Variants in SYNDIG1L observed in about 807,000 individuals in gnomAD.
SYNDIG1L encodes synapse differentiation inducing 1 like.
Under a neutral mutation model 20.1 loss-of-function variants are expected in SYNDIG1L, and 13 were observed. The ratio of observed to expected loss-of-function variants is 0.65; its 90% CI spans 0.42 to 1.03. SYNDIG1L has a LOEUF of 1.03. Ranked by LOEUF, SYNDIG1L falls within the 50% of genes least tolerant of loss-of-function variation. The probability of loss-of-function intolerance (pLI) is 0.00; values close to 1 mark genes in which losing one functional copy is unlikely to be tolerated. For synonymous variants in SYNDIG1L, 128 were observed against 129.3 expected (o/e 0.99, Z 0.07); for missense variants, 294 against 305.1 (o/e 0.96, Z 0.27).
At chr14:74,433,292 T>C in the SYNDIG1L span, among the ~76,000 whole-genome samples, 1 of 152,216 alleles carries the variant, frequency 6.6e-6, no homozygotes, top group Non-Finnish European at 1.5e-5. Flanking sequence ...GTAAGTTCAC[T>C]ACTGGGAAAC....
chr14:74,463,170 C>G, the SYNDIG1L span, among the ~76,000 whole-genome samples: 3 of 152,196 alleles, frequency 2.0e-5, no homozygotes, highest in Admixed American at 1.3e-4. Flanking sequence ...AATCCAATGG[C>G]CACTTCTCAG....
chr14:74,410,907 C>T (rs182455030), intron 1 of SYNDIG1L, among the ~76,000 whole-genome samples: 23 of 152,234 alleles, frequency 1.5e-4, no homozygotes, highest in African/African-American at 5.5e-4. Flanking sequence ...AGGTCTGGAC[C>T]TGCACATCCC....
At chr14:74,422,776 C>T (rs1192671379) in intron 1 of SYNDIG1L, among the ~76,000 whole-genome samples, 5 of 147,916 alleles carry the variant, frequency 3.4e-5, no homozygotes, top group African/African-American at 1.0e-4. Context: ...TGCAATGGCA[C>T]GATCTTGGCT....
At chr14:74,453,655 C>T in the SYNDIG1L span, among the ~76,000 whole-genome samples, 18 of 151,808 alleles carry the variant, frequency 1.2e-4, no homozygotes, top group Non-Finnish European at 1.9e-4. Context: ...AAAAAGAAGA[C>T]CTGAATAAAA....
At chr14:74,456,820 T>G in the SYNDIG1L span, among the ~76,000 whole-genome samples, 30 of 152,088 alleles carry the variant, frequency 2.0e-4, no homozygotes, top group African/African-American at 7.2e-4. Flanking sequence ...GCGGCAGGAT[T>G]CTAGGAGCAA....
At position 74,407,913 on chromosome 14, in the gene SYNDIG1L, G is replaced by A. The variant is rs1209452517; in HGVS notation, c.494C>T (p.Thr165Ile). 1.9e-6 allele frequency: 3 copies of A among 1,613,808 alleles called. No homozygotes were observed. The highest frequency in any genetic ancestry group is 1.7e-6 in the Non-Finnish European group (2 of 1,179,924). Residue 165 changes from threonine (T) to isoleucine (I), a missense_variant, in exon 3 of 4, where the codon ACT becomes ATT. Thr to Ile is a moderately conservative substitution (Grantham distance 89, BLOSUM62 -1). Coordinates refer to ENST00000331628, the MANE Select transcript of SYNDIG1L (RefSeq NM_001105579.2). The stretch of plus-strand genomic sequence containing the variant: ...GAAGCAGCAGAGCATGGAGAAGAGA[G>A]TAAGTCCCAGGTGGTCCCTGGGAGG... ...TLPPRDHLGL[T>I]LFSMLCCFWP...
At position 74,407,122 on chromosome 14, in the gene SYNDIG1L, C is replaced by T. The variant is rs963547788; in HGVS notation, c.*413G>A. On this transcript the variant is annotated 3_prime_UTR_variant, in exon 4 of 4. Transcript: ENST00000331628. ...GGGCTGAAAGGATTGGGACGGGTCC[C>T]CTTGTGCTCTGGGCACCCCCTTTTC... The T allele has an allele frequency of 2.3e-5, 5 of 217,688 alleles. No individual in the cohort carries two copies. The highest frequency in any genetic ancestry group is 1.3e-4 in the South Asian group (2 of 15,012). The allele number at this position is 217,688 out of a possible 1,614,324, so 13.5% of individuals were successfully genotyped here. A position where few individuals can be genotyped will look rare whatever the true frequency, so the allele number is the denominator to read the frequency against.
intron 1 of SYNDIG1L, among the ~76,000 whole-genome samples, chr14:74,411,732 G>A (rs946026327): frequency 2.0e-5 from 3 of 152,100 alleles, no homozygotes; most frequent in Admixed American, 2.0e-4. Flanking sequence ...TTCCTAGGAA[G>A]CGGGGTGGGG....
upstream of SYNDIG1L, among the ~76,000 whole-genome samples, chr14:74,426,709 C>T (rs1269453885): frequency 6.1e-5 from 9 of 146,706 alleles, no homozygotes; most frequent in Admixed American, 2.0e-4. Context: ...TCCCCTCTTC[C>T]CCTCCCCCTG....
At chr14:74,424,535 G>A (rs914497420) in intron 1 of SYNDIG1L, among the ~76,000 whole-genome samples, 14 of 152,052 alleles carry the variant, frequency 9.2e-5, no homozygotes, top group African/African-American at 3.1e-4. Flanking sequence ...AATAAAAACC[G>A]GTGAGTCAGA....
At chr14:74,472,105 C>T in the SYNDIG1L span, 5 of 152,138 alleles carry the variant, frequency 3.3e-5, no homozygotes, top group Non-Finnish European at 7.3e-5. Flanking sequence ...TATCTTACAC[C>T]CAAGGAACAC....
chr14:74,440,525 A>AACAAAAC, the SYNDIG1L span, among the ~76,000 whole-genome samples: 1 of 150,468 alleles, frequency 6.6e-6, no homozygotes, highest in African/African-American at 2.5e-5. Flanking sequence ...ATAAAAAAAA[A>AACAAAAC]AAAAAAAAAA....
chr14:74,429,164 G>A (rs776906564), upstream of SYNDIG1L, among the ~76,000 whole-genome samples: 12 of 152,198 alleles, frequency 7.9e-5, no homozygotes, highest in African/African-American at 1.4e-4. Flanking sequence ...AGCTGACTGG[G>A]GCAGAGCAGC....
chr14:74,422,604 C>G (rs921332399), intron 1 of SYNDIG1L, among the ~76,000 whole-genome samples: 2 of 151,202 alleles, frequency 1.3e-5, no homozygotes, highest in African/African-American at 4.9e-5. Flanking sequence ...GTGTATCACG[C>G]AGGGGAAGGG....
the SYNDIG1L span, among the ~76,000 whole-genome samples, chr14:74,454,248 G>T: frequency 6.6e-6 from 1 of 152,078 alleles, no homozygotes; most frequent in African/African-American, 2.4e-5. Context: ...ACCTACTATT[G>T]TTTACTTCAT....
intron 1 of SYNDIG1L, among the ~76,000 whole-genome samples, chr14:74,416,127 T>C (rs1468244384): frequency 6.6e-6 from 1 of 152,100 alleles, no homozygotes; most frequent in Admixed American, 6.5e-5. Flanking sequence ...AATGTCAGAA[T>C]TGTTCTCTCT....
chr14:74,448,491 A>G, the SYNDIG1L span, among the ~76,000 whole-genome samples: 3 of 152,188 alleles, frequency 2.0e-5, no homozygotes, highest in South Asian at 6.2e-4. Flanking sequence ...CAAAACACAT[A>G]AAGGAAAAAC....
chr14:74,419,937 A>G (rs572428897), intron 1 of SYNDIG1L, among the ~76,000 whole-genome samples: 1 of 152,194 alleles, frequency 6.6e-6, no homozygotes, highest in South Asian at 2.1e-4. Flanking sequence ...AAGGCCTCCC[A>G]TGCCATGCAG....
At chr14:74,479,318 C>T in the SYNDIG1L span, 1 of 152,192 alleles carries the variant, frequency 6.6e-6, no homozygotes. Flanking sequence ...ATCACTTGCT[C>T]ACAAGCACTT....
Sources: allele counts gnomAD v4.1 joint callset (sites outside exome capture counted in the v4.1 genomes callset), GRCh38; gene constraint gnomAD v4.1.1; transcripts MANE v1.5; gene names NCBI Gene and HGNC (gene_info 2026-07-23, HGNC 2026-07-21).